The following GALNT2 variants were observed in gnomAD, a reference collection of about 807,000 sequenced individuals.
GALNT2 encodes UDP-GalNAc:polypeptide N-acetylgalactosaminyltransferase 2.
In GALNT2, 31 loss-of-function variants were observed where a neutral mutation model predicts 81.4. The observed-to-expected ratio is 0.38, with a 90% CI of 0.29 to 0.51. The LOEUF (loss-of-function observed/expected upper bound fraction) is 0.51, where lower values mean the gene tolerates loss of function less well. Among genes scored for constraint, GALNT2 ranks in the 20% least tolerant of loss-of-function variants. The probability of loss-of-function intolerance (pLI) is 0.87; values close to 1 mark genes in which losing one functional copy is unlikely to be tolerated. For synonymous variants in GALNT2, 303 were observed against 287.4 expected (o/e 1.05, Z -0.55); for missense variants, 629 against 765.7 (o/e 0.82, Z 2.11).
At chr1:230,231,154 G>A (rs1664855442) in intron 3 of GALNT2, among the ~76,000 whole-genome samples, 1 of 152,164 alleles carries the variant, frequency 6.6e-6, no homozygotes, top group African/African-American at 2.4e-5. Context: ...GCTAGAGAAA[G>A]CTCCACTCTG....
At chr1:230,262,341 C>A in intron 11 of GALNT2, 1 of 493,680 alleles carries the variant, frequency 2.0e-6, no homozygotes, top group Non-Finnish European at 3.6e-6. Context: ...ATCTGTGTGA[C>A]AAGAAAGCCA....
At chr1:230,128,805 T>A (rs1661274972) in intron 1 of GALNT2, among the ~76,000 whole-genome samples, 1 of 152,170 alleles carries the variant, frequency 6.6e-6, no homozygotes, top group South Asian at 2.1e-4. Flanking sequence ...ACAGCCTTCC[T>A]AAGCCCCCAT....
intron 3 of GALNT2, among the ~76,000 whole-genome samples, chr1:230,224,360 C>A (rs10489616): frequency 6.6e-6 from 1 of 152,176 alleles, no homozygotes; most frequent in African/African-American, 2.4e-5. Context: ...TGAAATGACT[C>A]TAGCCTTAAA....
intron 2 of GALNT2, among the ~76,000 whole-genome samples, chr1:230,198,492 G>A (rs1282868337): frequency 6.6e-6 from 1 of 150,810 alleles, no homozygotes; most frequent in Non-Finnish European, 1.5e-5. Flanking sequence ...GCCCAGGAGC[G>A]TACGAGGAGT....
chr1:230,269,136 T>A (rs1256587702), intron 14 of GALNT2, among the ~76,000 whole-genome samples: 5 of 148,094 alleles, frequency 3.4e-5, no homozygotes, highest in African/African-American at 1.3e-4. Flanking sequence ...CTCAGAGAAA[T>A]TTTTTTTTTC....
At chr1:230,179,025 C>T (rs1663076390) in intron 2 of GALNT2, among the ~76,000 whole-genome samples, 1 of 151,244 alleles carries the variant, frequency 6.6e-6, no homozygotes, top group Non-Finnish European at 1.5e-5. Context: ...TAGGGTATGT[C>T]AGCTTTTCAG....
intron 2 of GALNT2, among the ~76,000 whole-genome samples, chr1:230,198,228 C>A (rs1237864218): frequency 6.6e-6 from 1 of 152,146 alleles, no homozygotes; most frequent in African/African-American, 2.4e-5. Flanking sequence ...TGAGGTGCTG[C>A]GGGCGAGGCT....
intron 1 of GALNT2, among the ~76,000 whole-genome samples, chr1:230,144,444 G>T (rs1281054531): frequency 6.6e-6 from 1 of 152,176 alleles, no homozygotes; most frequent in Admixed American, 6.5e-5. Context: ...AGTAGCCGGT[G>T]CCTGCATGTG....
At chr1:230,189,466 A>G (rs1663446304) in intron 2 of GALNT2, among the ~76,000 whole-genome samples, 1 of 152,234 alleles carries the variant, frequency 6.6e-6, no homozygotes. Flanking sequence ...GTGAATTGCC[A>G]CTGATCCTAA....
At chr1:230,066,112 T>C (rs751972766), upstream of GALNT2, among the ~76,000 whole-genome samples, 1 of 152,282 alleles carries the variant, frequency 6.6e-6, no homozygotes, top group Non-Finnish European at 1.5e-5. Flanking sequence ...CTCTAAGTAA[T>C]GCTGAAGGCT....
intron 1 of GALNT2, among the ~76,000 whole-genome samples, chr1:230,166,511 A>G (rs989625692): frequency 2.6e-5 from 4 of 152,346 alleles, no homozygotes; most frequent in Non-Finnish European, 4.4e-5. Context: ...CTGCTTTATC[A>G]GTCCTGAGGC....
chr1:230,236,060 G>A lies in GALNT2; in HGVS notation c.421G>A (p.Val141Met). ...GGTGGATCTGCCGGCCACCAGCGTG[G>A]TGATCACGTTTCACAATGAAGCCAG... ...WRVDLPATSV[V>M]ITFHNEARSA... The change falls in exon 4 of 16, where the codon GTG becomes ATG. Residue 141 changes from valine (V) to methionine (M), a missense_variant. Val to Met is a conservative substitution (Grantham distance 21, BLOSUM62 1). Transcript: ENST00000366672. 1 of 1,614,008 alleles carries A rather than the reference G, an allele frequency of 6.2e-7. No homozygotes were observed. Among genetic ancestry groups the A allele is most frequent in the Non-Finnish European group, 8.5e-7 (1 of 1,180,014 alleles).
intron 1 of GALNT2, among the ~76,000 whole-genome samples, chr1:230,145,082 C>G (rs960386680): frequency 6.6e-6 from 1 of 152,152 alleles, no homozygotes; most frequent in African/African-American, 2.4e-5. Context: ...CATCTGTTTT[C>G]TGCTGCAGCA....
Position 230,275,440 on chromosome 1 carries a change from T to C in GALNT2, c.1560+876T>C, listed in dbSNP as rs1012266325. 2.0e-5 allele frequency among the ~76,000 whole-genome samples: 3 copies of C among 151,274 alleles called. No homozygotes were observed. The highest frequency in any genetic ancestry group is 4.4e-5 in the Non-Finnish European group (3 of 67,770). ...ACCACATATATACACACCACATATA[T>C]ATACACGCCACATATATACATATAT... is the stretch of plus-strand genomic sequence containing the variant. On this transcript the variant is annotated intron_variant, in intron 15 of 15. Coordinates refer to ENST00000366672, the MANE Select transcript of GALNT2 (RefSeq NM_004481.5). This position sits in a 1 kb window ranked among gnomAD's most constrained non-coding sequence, Gnocchi z 5.5.
intron 1 of GALNT2, among the ~76,000 whole-genome samples, chr1:230,146,291 C>T (rs78562946): frequency 0.01 from 1,577 of 152,294 alleles, 28 homozygotes; most frequent in African/African-American, 0.036. Context: ...CCTTCTCTCC[C>T]GCACCAGGTC....
At position 230,273,070 on chromosome 1, in the gene GALNT2, G is replaced by A. The variant is rs1221999413; in HGVS notation, c.1441-1375G>A. On this transcript the variant is annotated intron_variant, in intron 14 of 15. Coordinates refer to ENST00000366672, the MANE Select transcript of GALNT2 (RefSeq NM_004481.5). The stretch of plus-strand genomic sequence containing the variant: ...ATAGATAGGCCTGAGCCACCACACC[G>A]GGCTGCATCTTCACCTTTTAATGTT... Among the ~76,000 whole-genome samples the A allele has an allele frequency of 5.9e-5, 9 of 152,146 alleles. No homozygotes were observed. The East Asian group carries it at 9.7e-4, about 16-fold the overall frequency.
intron 1 of GALNT2, among the ~76,000 whole-genome samples, chr1:230,129,909 C>T (rs1329960942): frequency 3.9e-5 from 6 of 152,238 alleles, no homozygotes; most frequent in Non-Finnish European, 8.8e-5. Flanking sequence ...GCTCCTGGCT[C>T]CGCAGAGCAG....
At chr1:230,138,025 G>T (rs1219078173) in intron 1 of GALNT2, among the ~76,000 whole-genome samples, 1 of 152,082 alleles carries the variant, frequency 6.6e-6, no homozygotes, top group Non-Finnish European at 1.5e-5. Context: ...GTTCAGTGAT[G>T]ACTTAATAGA....
At chr1:230,063,034 TG>T (rs1659086112), upstream of GALNT2, among the ~76,000 whole-genome samples, 1 of 152,090 alleles carries the variant, frequency 6.6e-6, no homozygotes, top group Non-Finnish European at 1.5e-5. Flanking sequence ...TTTTATAGGC[TG>T]GGCGCGGTGG....
Sources: gnomAD v4.1 joint callset for allele counts (sites outside exome capture counted in the v4.1 genomes callset) on GRCh38, gnomAD v4.1.1 for gene constraint, Gnocchi (gnomAD v3.1) non-coding constraint, MANE v1.5 for transcripts, NCBI Gene and HGNC (gene_info 2026-07-23, HGNC 2026-07-21) for gene names.